RGS6: variants seen among roughly 807,000 people sequenced by gnomAD.
The protein encoded by RGS6 is regulator of G-protein signaling 6.
RGS6 carries 30 observed loss-of-function variants against 78.5 expected under a neutral mutation model. That is an observed-to-expected ratio of 0.38 (90% CI 0.29 to 0.52). The LOEUF is 0.52. Among genes scored for constraint, RGS6 ranks in the 20% least tolerant of loss-of-function variants. RGS6 has a pLI of 0.85. For missense variants in RGS6, 495 were observed against 609.7 expected, an observed-to-expected ratio of 0.81 and a Z score of 1.98; for synonymous variants, 206 against 206.0, an observed-to-expected ratio of 1.00 and a Z score of 0.00.
rs1395873591 is a variant in RGS6, at chr14:71,979,099, C to T, written c.84+14224C>T. On this transcript the variant is annotated intron_variant, in intron 2 of 17. Coordinates refer to ENST00000553525, the MANE Select transcript of RGS6 (RefSeq NM_001204424.2). ...ATGGTAGTTTGTATTTCTGTGGGAT[C>T]GGTGGTGATATCCCCTTTATCATTT... 3.3e-3 allele frequency among the ~76,000 whole-genome samples: 494 copies of T among 150,584 alleles called. 1 individual carries two copies. The highest frequency in any genetic ancestry group is 0.014 in the Middle Eastern group (4 of 292).
the RGS6 span, chr14:72,594,186 C>A: frequency 2.0e-5 from 3 of 152,178 alleles, no homozygotes; most frequent in African/African-American, 7.2e-5. Flanking sequence ...TAAAGGGCTT[C>A]TCCAGGGTCC....
the RGS6 span, among the ~76,000 whole-genome samples, chr14:72,609,927 C>A: frequency 2.6e-5 from 4 of 152,328 alleles, no homozygotes; most frequent in East Asian, 1.9e-4. Context: ...AGAGGCAATG[C>A]GGCGTTGGGT....
chr14:72,253,637 C>T (rs2056385846), intron 2 of RGS6, among the ~76,000 whole-genome samples: 1 of 152,136 alleles, frequency 6.6e-6, no homozygotes, highest in African/African-American at 2.4e-5. Context: ...TTCCTCACCT[C>T]CTTGAAGTTG....
chr14:72,492,922 T>C (rs1343823302), intron 12 of RGS6, among the ~76,000 whole-genome samples: 1 of 152,230 alleles, frequency 6.6e-6, no homozygotes, highest in African/African-American at 2.4e-5. Flanking sequence ...AGACACCATC[T>C]GGCCCACAAA....
chr14:72,281,273 T>G (rs769291569), intron 2 of RGS6, among the ~76,000 whole-genome samples: 83 of 151,180 alleles, frequency 5.5e-4, no homozygotes, highest in Non-Finnish European at 1.1e-3. Flanking sequence ...CTCAGCCTCC[T>G]GAGTAGCTGG....
At chr14:72,181,182 A>T (rs1288484979) in intron 2 of RGS6, among the ~76,000 whole-genome samples, 1 of 152,206 alleles carries the variant, frequency 6.6e-6, no homozygotes. Context: ...AGAGAAAGCT[A>T]TTGTTAAAAT....
At chr14:72,023,715 A>G (rs2089231426) in intron 2 of RGS6, among the ~76,000 whole-genome samples, 1 of 152,242 alleles carries the variant, frequency 6.6e-6, no homozygotes, top group African/African-American at 2.4e-5. Flanking sequence ...TCCTAATTCA[A>G]GCCTTCCTCA....
chr14:72,041,879 T>C (rs1436667668), intron 2 of RGS6, among the ~76,000 whole-genome samples: 2 of 152,138 alleles, frequency 1.3e-5, no homozygotes, highest in Non-Finnish European at 2.9e-5. Flanking sequence ...TTTATACTTA[T>C]CAGTGTATGA....
At chr14:71,873,431 A>T in the RGS6 span, among the ~76,000 whole-genome samples, 93 of 152,148 alleles carry the variant, frequency 6.1e-4, no homozygotes, top group Non-Finnish European at 1.0e-3. Flanking sequence ...TTGGCTGCAT[A>T]AATGTCTTCT....
At chr14:72,166,438 A>G (rs375195184) in intron 2 of RGS6, among the ~76,000 whole-genome samples, 6 of 152,222 alleles carry the variant, frequency 3.9e-5, no homozygotes, top group African/African-American at 1.4e-4. Flanking sequence ...AATACAGACT[A>G]GAACATTTAT....
chr14:72,024,333 A>AT (rs1281763951), intron 2 of RGS6, among the ~76,000 whole-genome samples: 1 of 152,200 alleles, frequency 6.6e-6, no homozygotes, highest in East Asian at 1.9e-4. Context: ...CAGGATTCAG[A>AT]TACGTGGCTG....
At chr14:72,388,498 G>T (rs1400527794) in intron 3 of RGS6, among the ~76,000 whole-genome samples, 1 of 152,072 alleles carries the variant, frequency 6.6e-6, no homozygotes, top group Non-Finnish European at 1.5e-5. Context: ...CTTCTGTTTC[G>T]AGTCCCCCTT....
chr14:72,557,165 T>C (rs554418643), intron 17 of RGS6, among the ~76,000 whole-genome samples: 2 of 152,366 alleles, frequency 1.3e-5, no homozygotes, highest in East Asian at 3.9e-4. Flanking sequence ...TTTTTCCATT[T>C]CCTATGCCCC....
Position 72,118,904 on chromosome 14 carries a change from C to G in RGS6, c.84+154029C>G, listed in dbSNP as rs149429803. On this transcript the variant is annotated intron_variant, in intron 2 of 17. Transcript: ENST00000553525. ...ACTATGAATTATCCAGAATGCTTCT[C>G]TAAAGTTTCCTTTTTCCCAAAATTT... Among the ~76,000 whole-genome samples the G allele has an allele frequency of 2.1e-3, 322 of 152,312 alleles. 2 individuals carry two copies. The highest frequency in any genetic ancestry group is 7.1e-3 in the African/African-American group (295 of 41,576).
intron 3 of RGS6, among the ~76,000 whole-genome samples, chr14:72,369,815 C>T (rs776657552): frequency 6.7e-4 from 102 of 151,910 alleles, no homozygotes; most frequent in Non-Finnish European, 8.2e-4. Context: ...TTTCCACGTT[C>T]GTGATGGAAT....
At chr14:71,941,963 CTT>C (rs1475796342) in intron 1 of RGS6, among the ~76,000 whole-genome samples, 1 of 152,160 alleles carries the variant, frequency 6.6e-6, no homozygotes, top group African/African-American at 2.4e-5. Flanking sequence ...GCCTGTTTGA[CTT>C]TTCTTTGCAG....
rs577755759 is a variant in RGS6, at chr14:72,473,562, C to A, written c.618+609C>A. On this transcript the variant is annotated intron_variant, in intron 9 of 17. Transcript: ENST00000553525. ...TTTACATTCCCCAAATTAACAATTTCCATTTCCACTGCTATTCAACTCTGA... is the reference window on the plus strand; with the variant it reads ...TTTACATTCCCCAAATTAACAATTTACATTTCCACTGCTATTCAACTCTGA... Among the ~76,000 whole-genome samples, 398 of 152,330 alleles carry A rather than the reference C, an allele frequency of 2.6e-3. 2 individuals are homozygous for A. The highest frequency in any genetic ancestry group is 9.3e-3 in the African/African-American group (386 of 41,570).
At chr14:72,199,699 A>G (rs968554170) in intron 2 of RGS6, among the ~76,000 whole-genome samples, 1 of 152,112 alleles carries the variant, frequency 6.6e-6, no homozygotes, top group Non-Finnish European at 1.5e-5. Flanking sequence ...GATAATTCTG[A>G]CTATTGTTTT....
the RGS6 span, among the ~76,000 whole-genome samples, chr14:72,584,411 A>G: frequency 6.6e-6 from 1 of 152,210 alleles, no homozygotes; most frequent in Admixed American, 6.5e-5. Flanking sequence ...CTATGCAGAA[A>G]AGTAAAAATG....
Sources: gnomAD v4.1 joint callset for allele counts (sites outside exome capture counted in the v4.1 genomes callset) on GRCh38, gnomAD v4.1.1 for gene constraint, MANE v1.5 for transcripts, NCBI Gene and HGNC (gene_info 2026-07-23, HGNC 2026-07-21) for gene names.